SPATA13: variants seen among roughly 807,000 people sequenced by gnomAD.
The protein encoded by SPATA13 is spermatogenesis-associated protein 13.
In SPATA13, 50 loss-of-function variants were observed where a neutral mutation model predicts 104.0. The ratio of observed to expected loss-of-function variants is 0.48; its 90% CI spans 0.38 to 0.61. SPATA13 has a LOEUF of 0.61. Among genes scored for constraint, SPATA13 ranks in the 20% least tolerant of loss-of-function variants. SPATA13 has a pLI of 0.00. For synonymous variants in SPATA13, 606 were observed against 667.5 expected, an observed-to-expected ratio of 0.91 and a Z score of 1.42; for missense variants, 1,524 against 1,690.6, an observed-to-expected ratio of 0.90 and a Z score of 1.73.
intron 3 of SPATA13, among the ~76,000 whole-genome samples, chr13:24,152,950 C>T (rs987472762): frequency 1.3e-5 from 2 of 152,210 alleles, no homozygotes; most frequent in Non-Finnish European, 2.9e-5. Flanking sequence ...CTCCGTGTAA[C>T]CTTTAAGTAC....
At chr13:24,287,441 G>A (rs1593502145) in intron 7 of SPATA13, among the ~76,000 whole-genome samples, 1 of 152,246 alleles carries the variant, frequency 6.6e-6, no homozygotes, top group Non-Finnish European at 1.5e-5. Flanking sequence ...GGGATTAGAG[G>A]CGTGAGCCAG....
At chr13:24,218,943 T>TTTTGTTTG (rs966998143) in intron 1 of SPATA13, among the ~76,000 whole-genome samples, 3 of 151,888 alleles carry the variant, frequency 2.0e-5, no homozygotes, top group Non-Finnish European at 4.4e-5. Flanking sequence ...TCAGAAGCTT[T>TTTTGTTTG]TTTGTTTGTT....
intron 3 of SPATA13, among the ~76,000 whole-genome samples, chr13:24,134,406 G>C (rs760934614): frequency 3.4e-4 from 52 of 152,182 alleles, no homozygotes; most frequent in Non-Finnish European, 6.6e-4. Context: ...CTGACTTCTT[G>C]CTGTTGTTTA....
At chr13:24,249,022 A>C (rs1294263853) in intron 2 of SPATA13, among the ~76,000 whole-genome samples, 2 of 151,950 alleles carry the variant, frequency 1.3e-5, no homozygotes, top group Non-Finnish European at 2.9e-5. Context: ...GACACGCGCC[A>C]CCGCGCCCCG....
rs1354344681 is a variant in SPATA13, at chr13:24,223,094, C to A, written c.165C>A (p.Ser55Arg). The change falls in exon 2 of 13, where the codon AGC becomes AGA. Residue 55 changes from serine to arginine, a missense_variant. By Grantham distance (110) the Ser-to-Arg change is moderately radical. Coordinates refer to ENST00000382108, the MANE Select transcript of SPATA13 (RefSeq NM_001166271.3). ...GTGGAAATGGAGTCTGTGGCTGCAG[C>A]CCTGGTGGCGACACGGACACCCAGG... ...LACGNGVCGC[S>R]PGGDTDTQEA... 3 of 1,551,712 alleles carry A rather than the reference C, an allele frequency of 1.9e-6. No individual in the cohort carries two copies. The Admixed American group carries it at 5.9e-5, about 30-fold the overall frequency.
rs546876097 is a variant in SPATA13, at chr13:24,270,708, C to T, written c.2165-13427C>T. The T allele has an allele frequency of 2.7e-5, 41 of 1,501,266 alleles. No individual in the cohort carries two copies. In the African/African-American group the frequency reaches 3.2e-4, roughly 12 times the overall value. The allele number at this position is 1,501,266 out of a possible 1,614,324, so 93.0% of individuals were successfully genotyped here. A position where few individuals can be genotyped will look rare whatever the true frequency, so the allele number is the denominator to read the frequency against. On this transcript the variant is annotated intron_variant, in intron 4 of 12. Coordinates refer to ENST00000382108, the MANE Select transcript of SPATA13 (RefSeq NM_001166271.3). The stretch of plus-strand genomic sequence containing the variant: ...TGTCAGTTTCTGGGCAGGCTCTGGC[C>T]GGGAACGCATACAACGTCAAAGCAG...
intron 3 of SPATA13, among the ~76,000 whole-genome samples, chr13:24,084,269 C>A (rs1879647650): frequency 6.6e-6 from 1 of 152,182 alleles, no homozygotes; most frequent in Non-Finnish European, 1.5e-5. Context: ...TCGAAGGAGG[C>A]ATTCGCTGGT....
chr13:24,234,644 A>G (rs1872475726), intron 2 of SPATA13, among the ~76,000 whole-genome samples: 1 of 152,254 alleles, frequency 6.6e-6, no homozygotes, highest in South Asian at 2.1e-4. Context: ...TCTACTTCTG[A>G]CAGTCTGGGG....
intron 3 of SPATA13, 92 bp from the exon 4 acceptor site, chr13:24,251,626 T>C (rs536447922): frequency 1.9e-5 from 29 of 1,537,266 alleles, no homozygotes; most frequent in Non-Finnish European, 2.5e-5. Context: ...CGTCTGTGAG[T>C]GGCTTCGAGG....
chr13:24,011,986 G>T lies in SPATA13; in HGVS notation c.-146-5681G>T, dbSNP rs946557389. ...AAAACTCACAGGCACAGGGACCGGGGCTTGCCCACCACCCTAAACAAAACT... is the reference window on the plus strand; with the variant it reads ...AAAACTCACAGGCACAGGGACCGGGTCTTGCCCACCACCCTAAACAAAACT... On this transcript the variant is annotated intron_variant, in intron 2 of 14. Coordinates refer to the SPATA13 transcript ENST00000424834. The surrounding 1 kb of genome is among the most constrained non-coding windows in gnomAD (Gnocchi z 4.3). Among the ~76,000 whole-genome samples, 1 of 152,216 alleles carries T rather than the reference G, an allele frequency of 6.6e-6. No homozygotes were observed. Among genetic ancestry groups the T allele is most frequent in the Non-Finnish European group, 1.5e-5 (1 of 68,046 alleles).
chr13:24,217,499 A>T (rs1206653144), intron 1 of SPATA13, among the ~76,000 whole-genome samples: 1 of 152,228 alleles, frequency 6.6e-6, no homozygotes, highest in Non-Finnish European at 1.5e-5. Flanking sequence ...AACACAGTGA[A>T]ATAAGACAAG....
At chr13:24,120,190 C>G (rs573920408) in intron 3 of SPATA13, among the ~76,000 whole-genome samples, 5 of 151,830 alleles carry the variant, frequency 3.3e-5, no homozygotes, top group Admixed American at 1.3e-4. Flanking sequence ...GATTCTGTTT[C>G]CGCCTCTGAA....
rs12866968 is a variant in SPATA13, at chr13:24,291,750, T to A, written c.3080+866T>A. On this transcript the variant is annotated intron_variant, in intron 9 of 12. Transcript: ENST00000382108. ...TCTCTCTCTGTCTTTATTTTTTTAT[T>A]TTTTTATTTTTTTTTTTGAGACGGA... is the stretch of plus-strand genomic sequence containing the variant. Among the ~76,000 whole-genome samples, 305 of 31,912 alleles carry A rather than the reference T, an allele frequency of 9.6e-3. 8 individuals are homozygous for A. The highest frequency in any genetic ancestry group is 0.024 in the East Asian group (32 of 1,320). The allele number at this position is 31,912 out of a possible 152,430, so 20.9% of individuals were successfully genotyped here.
At chr13:24,075,602 C>G (rs1479442775) in intron 3 of SPATA13, among the ~76,000 whole-genome samples, 2 of 152,326 alleles carry the variant, frequency 1.3e-5, no homozygotes, top group Middle Eastern at 3.4e-3. Context: ...ACTGTTTCTA[C>G]TTCACAGAAC....
At chr13:24,243,695 C>T (rs1256955700) in intron 2 of SPATA13, among the ~76,000 whole-genome samples, 5 of 152,154 alleles carry the variant, frequency 3.3e-5, no homozygotes, top group Non-Finnish European at 7.3e-5. Context: ...ACCTCGTAGG[C>T]ATTCAAAAAT....
At chr13:24,099,618 C>G (rs561385388) in intron 3 of SPATA13, among the ~76,000 whole-genome samples, 3 of 152,168 alleles carry the variant, frequency 2.0e-5, no homozygotes, top group Admixed American at 6.5e-5. Context: ...CACAGCCCCC[C>G]GGGTGGTGTT....
At chr13:24,204,219 T>C (rs1055020381) in intron 1 of SPATA13, among the ~76,000 whole-genome samples, 1 of 152,180 alleles carries the variant, frequency 6.6e-6, no homozygotes, top group African/African-American at 2.4e-5. Context: ...CATTTAATTC[T>C]CACTGCCGTC....
chr13:24,249,625 T>C lies in SPATA13; in HGVS notation c.1802T>C (p.Leu601Ser). The change falls in exon 3 of 13, where the codon TTG (leucine) becomes TCG (serine). Residue 601 changes from leucine (L) to serine (S), a missense_variant. Coordinates refer to ENST00000382108, the MANE Select transcript of SPATA13 (RefSeq NM_001166271.3). ...SDYGQLASRS[L>S]SIPEDSVAAD... ...TACGGCCAGCTGGCCAGCCGCAGTTTGTCTATTCCTGAAGACTCGGTTGCT... is the reference window on the plus strand; with the variant it reads ...TACGGCCAGCTGGCCAGCCGCAGTTCGTCTATTCCTGAAGACTCGGTTGCT... The C allele has an allele frequency of 6.2e-7, 1 of 1,613,698 alleles. No homozygotes were observed. The highest frequency in any genetic ancestry group is 1.3e-5 in the African/African-American group (1 of 75,052).
intron 2 of SPATA13, among the ~76,000 whole-genome samples, chr13:24,000,940 G>C (rs1875937654): frequency 6.6e-6 from 1 of 152,138 alleles, no homozygotes; most frequent in Admixed American, 6.5e-5. Flanking sequence ...TTTGGGACTG[G>C]ACAGTGTTTA....
Sources: gnomAD v4.1 joint callset for allele counts (sites outside exome capture counted in the v4.1 genomes callset) on GRCh38, gnomAD v4.1.1 for gene constraint, Gnocchi (gnomAD v3.1) non-coding constraint, MANE v1.5 for transcripts, NCBI Gene and HGNC (gene_info 2026-07-23, HGNC 2026-07-21) for gene names.